Variants in IGSF10 observed in about 807,000 individuals in gnomAD.
IGSF10 encodes calvaria mechanical force protein 608.
In IGSF10, 126 loss-of-function variants were observed where a neutral mutation model predicts 128.2. The ratio of observed to expected loss-of-function variants is 0.98; its 90% CI spans 0.85 to 1.14. The LOEUF is 1.14. IGSF10 is among the 50% of genes most tolerant of loss of function. The pLI is 0.00. For missense variants in IGSF10, 3,295 were observed against 3,149.8 expected, an observed-to-expected ratio of 1.05 and a Z score of -1.10; for synonymous variants, 1,185 against 1,146.2, an observed-to-expected ratio of 1.03 and a Z score of -0.68.
rs1213108200 is a variant in IGSF10 at position 151,445,078 on chromosome 3, G to A, written c.4903C>T (p.Leu1635Phe). The change falls in exon 6 of 8, where the codon CTT becomes TTT. Residue 1635 changes from leucine to phenylalanine, a missense_variant. Physicochemically the swap from Leu to Phe is conservative, Grantham distance 22. Transcript: ENST00000282466. The stretch of plus-strand genomic sequence containing the variant: ...TACCTAGACAAAGAGTCAAAGGGAA[G>A]GAGTTTGGAAGTTGTTGCTTCTTGA... The part of the protein sequence containing the change: ...PVQEATTSKL[L>F]PFDSLSRYIF... 1 of 1,614,218 alleles carries A rather than the reference G, an allele frequency of 6.2e-7. No homozygotes were observed. Among genetic ancestry groups the A allele is most frequent in the South Asian group, 1.1e-5 (1 of 91,076 alleles).
At chr3:151,501,572 A>G in the IGSF10 span, among the ~76,000 whole-genome samples, 3 of 152,066 alleles carry the variant, frequency 2.0e-5, no homozygotes, top group South Asian at 4.1e-4. Context: ...TTGAAACCTA[A>G]GAATGTCAGG....
chr3:151,515,123 T>C, the IGSF10 span, among the ~76,000 whole-genome samples: 42 of 152,106 alleles, frequency 2.8e-4, no homozygotes, highest in African/African-American at 9.2e-4. Context: ...ACTGGATATA[T>C]ACCCAAAGTA....
chr3:151,535,664 T>G, the IGSF10 span, among the ~76,000 whole-genome samples: 2 of 152,126 alleles, frequency 1.3e-5, no homozygotes, highest in Admixed American at 1.3e-4. Flanking sequence ...TTACAATAAA[T>G]TACATATATA....
chr3:151,462,344 A>G (rs954858616), upstream of IGSF10, among the ~76,000 whole-genome samples: 1 of 152,208 alleles, frequency 6.6e-6, no homozygotes, highest in East Asian at 1.9e-4. Context: ...CCACTGATTC[A>G]GAAACTGTAC....
At chr3:151,493,124 G>T in the IGSF10 span, among the ~76,000 whole-genome samples, 1 of 152,036 alleles carries the variant, frequency 6.6e-6, no homozygotes, top group Non-Finnish European at 1.5e-5. Flanking sequence ...GGGAAAAAAA[G>T]GTTAAATAGA....
chr3:151,520,013 T>A, the IGSF10 span, among the ~76,000 whole-genome samples: 1 of 151,852 alleles, frequency 6.6e-6, no homozygotes, highest in Admixed American at 6.6e-5. Context: ...GATAACTAAG[T>A]CTTCTAATCC....
chr3:151,433,042 G>T (rs933838417), downstream of IGSF10: 3 of 462,220 alleles, frequency 6.5e-6, no homozygotes, highest in African/African-American at 6.0e-5. Context: ...GAATCATGCA[G>T]GCAGGCCTAC....
At chr3:151,549,290 T>C in the IGSF10 span, among the ~76,000 whole-genome samples, 1 of 152,166 alleles carries the variant, frequency 6.6e-6, no homozygotes, top group Non-Finnish European at 1.5e-5. Flanking sequence ...CTGATGTGAT[T>C]CCTTACCTCG....
rs1721614327 is a variant in IGSF10 at position 151,453,463 on chromosome 3, G to A, written c.636C>T (p.Asp212=). Residue 212 remains aspartate, a synonymous_variant, in exon 5 of 8, where the codon GAC becomes GAT. Coordinates refer to ENST00000282466, the MANE Select transcript of IGSF10 (RefSeq NM_178822.5). The part of the protein sequence containing the change: ...QEMVSYMPDL[D]SLYLHGNPWT... The stretch of plus-strand genomic sequence containing the variant: ...ATGGGTTTCCATGCAGGTAAAGGCT[G>A]TCTAGGTCAGGCATATAGGAGACCA... 2 of 1,613,900 alleles carry A rather than the reference G, an allele frequency of 1.2e-6. No homozygotes were observed. The highest frequency in any genetic ancestry group is 1.7e-5 in the Admixed American group (1 of 60,008).
the IGSF10 span, among the ~76,000 whole-genome samples, chr3:151,563,260 G>A: frequency 6.6e-6 from 1 of 152,000 alleles, no homozygotes; most frequent in African/African-American, 2.4e-5. Context: ...TCTCCTACCT[G>A]GTACTGCTTG....
the IGSF10 span, among the ~76,000 whole-genome samples, chr3:151,515,857 C>A: frequency 6.6e-6 from 1 of 151,808 alleles, no homozygotes; most frequent in Non-Finnish European, 1.5e-5. Context: ...GTACATCCCA[C>A]TATCTGATGG....
At chr3:151,521,467 A>T in the IGSF10 span, among the ~76,000 whole-genome samples, 1 of 152,014 alleles carries the variant, frequency 6.6e-6, no homozygotes, top group Non-Finnish European at 1.5e-5. Context: ...GACATAAAAC[A>T]ATCCTCAGCA....
chr3:151,547,572 G>A, the IGSF10 span, among the ~76,000 whole-genome samples: 14 of 152,178 alleles, frequency 9.2e-5, no homozygotes, highest in African/African-American at 3.4e-4. Flanking sequence ...CTGGACTGGA[G>A]GCTTACTGTA....
chr3:151,436,443 GTTTA>G lies in IGSF10; in HGVS notation c.*242_*245del, dbSNP rs1720224817. 2.7e-6 allele frequency: 1 copy of G among 375,784 alleles called. No individual in the cohort carries two copies. Among genetic ancestry groups the G allele is most frequent in the South Asian group, 4.3e-5 (1 of 23,528 alleles). 23.3% of individuals were successfully genotyped at this position (375,784 alleles called of 1,614,324 possible). On this transcript the variant is annotated 3_prime_UTR_variant, in exon 8 of 8. Coordinates refer to ENST00000282466, the MANE Select transcript of IGSF10 (RefSeq NM_178822.5). ...TTTATAGTGAACCGTTTCAATGTTT[GTTTA>G]TTGTTATTTGTTGGCAAAATAAAAG... is the stretch of plus-strand genomic sequence containing the variant.
intron 4 of IGSF10, among the ~76,000 whole-genome samples, chr3:151,454,363 A>T (rs1047099506): frequency 6.6e-6 from 1 of 152,198 alleles, no homozygotes; most frequent in African/African-American, 2.4e-5. Flanking sequence ...TATTGTGGTT[A>T]TTTTAAAAAG....
the IGSF10 span, among the ~76,000 whole-genome samples, chr3:151,590,285 C>A: frequency 2.4e-4 from 37 of 152,256 alleles, no homozygotes; most frequent in Admixed American, 2.2e-3. Flanking sequence ...AAGCAATCTT[C>A]TGCCTTAGCC....
the IGSF10 span, among the ~76,000 whole-genome samples, chr3:151,506,303 T>C: frequency 2.0e-5 from 3 of 152,144 alleles, no homozygotes; most frequent in Non-Finnish European, 4.4e-5. Context: ...AGGCATACAA[T>C]GCTTTCTTGG....
the IGSF10 span, among the ~76,000 whole-genome samples, chr3:151,558,519 AT>A: frequency 0.7 from 103,404 of 148,180 alleles, 35,965 homozygotes; most frequent in African/African-American, 0.76. Context: ...CCATGAATAC[AT>A]TTTTTTTTTT....
At chr3:151,568,371 C>T in the IGSF10 span, among the ~76,000 whole-genome samples, 1 of 152,132 alleles carries the variant, frequency 6.6e-6, no homozygotes, top group Admixed American at 6.6e-5. Flanking sequence ...GACAACAAAA[C>T]AATGACCTCA....
Sources: allele counts gnomAD v4.1 joint callset (sites outside exome capture counted in the v4.1 genomes callset), GRCh38; gene constraint gnomAD v4.1.1; transcripts MANE v1.5; gene names NCBI Gene and HGNC (gene_info 2026-07-23, HGNC 2026-07-21).